MAPKBP1: variants seen among roughly 807,000 people sequenced by gnomAD.
The protein encoded by MAPKBP1 is mitogen-activated protein kinase-binding protein 1.
Under a neutral mutation model 170.5 loss-of-function variants are expected in MAPKBP1, and 71 were observed. The ratio of observed to expected loss-of-function variants is 0.42; its 90% CI spans 0.34 to 0.51. The LOEUF (loss-of-function observed/expected upper bound fraction) is 0.51. MAPKBP1 is among the 20% of genes least tolerant of loss of function. The probability of loss-of-function intolerance (pLI) is 0.06; values close to 1 mark genes in which losing one functional copy is unlikely to be tolerated. For missense variants in MAPKBP1, 1,598 were observed against 1,933.0 expected, an observed-to-expected ratio of 0.83 and a Z score of 3.25; for synonymous variants, 719 against 757.9, an observed-to-expected ratio of 0.95 and a Z score of 0.84.
At chr15:41,816,311 C>T (rs2064890121) in intron 12 of MAPKBP1, 3 of 505,636 alleles carry the variant, frequency 5.9e-6, no homozygotes, top group African/African-American at 3.8e-5. Context: ...AATAAGGTCT[C>T]TAATTAATAG....
chr15:41,813,876 AT>A (rs2064846806), intron 9 of MAPKBP1, 95 bp downstream of exon 9: 2 of 1,380,022 alleles, frequency 1.4e-6, no homozygotes, highest in Non-Finnish European at 2.0e-6. Context: ...GAGTGTATTG[AT>A]GCCCCAAAGA....
chr15:41,824,136 C>T, intron 29 of MAPKBP1, 75 bp downstream of exon 29: 1 of 1,508,558 alleles, frequency 6.6e-7, no homozygotes, highest in Non-Finnish European at 8.8e-7. Flanking sequence ...TGTCTGGCTC[C>T]ATCCCATTTC....
intron 7 of MAPKBP1, 60 bp downstream of exon 7, chr15:41,812,713 C>T (rs2064825180): frequency 1.3e-6 from 2 of 1,529,196 alleles, no homozygotes; most frequent in Admixed American, 4.4e-5. Flanking sequence ...CCCAGCCCAA[C>T]CCAGGAGACT....
At position 41,818,108 on chromosome 15, in the gene MAPKBP1, GA is replaced by G; in HGVS notation, c.1980+25del. On this transcript the variant is annotated intron_variant, in intron 17 of 30. Coordinates refer to ENST00000457542, the MANE Select transcript of MAPKBP1 (RefSeq NM_014994.3). The surrounding 1 kb of genome is among the most constrained non-coding windows in gnomAD (Gnocchi z 5.2). ...AGGTAAGGACCCAGAGGGGGTACTG[GA>G]CAGGGGCTCGGGGACAGAGTGGTGC... is the stretch of plus-strand genomic sequence containing the variant. The G allele has an allele frequency of 6.2e-7, 1 of 1,613,502 alleles. No homozygotes were observed. The highest frequency in any genetic ancestry group is 8.5e-7 in the Non-Finnish European group (1 of 1,179,396).
chr15:41,820,493 C>T (rs1473926803), intron 22 of MAPKBP1, among the ~76,000 whole-genome samples: 3 of 152,082 alleles, frequency 2.0e-5, no homozygotes, highest in African/African-American at 7.2e-5. Flanking sequence ...TAGAGACCCC[C>T]AGCTCTGAGG....
At chr15:41,774,999 TC>T (rs1246587271) in intron 1 of MAPKBP1, 167 bp from the exon 2 acceptor site, 1 of 476,908 alleles carries the variant, frequency 2.1e-6, no homozygotes, top group Non-Finnish European at 3.7e-6. Context: ...CTTAGGATTT[TC>T]CCCCCCTTTT....
Position 41,818,939 on chromosome 15 carries a change from G to T in MAPKBP1, c.2273G>T (p.Arg758Met). Residue 758 changes from arginine to methionine, a missense_variant, in exon 20 of 31, where the codon AGG (arginine) becomes ATG (methionine). This residue lies in a region of MAPKBP1 where 63 missense variants were observed against 115.2 expected (regional missense o/e 0.55). Transcript: ENST00000457542. The surrounding 1 kb of genome is among the most constrained non-coding windows in gnomAD (Gnocchi z 5.2). ...GKQQGPSSPQ[R>M]ASGPNRHQAP... ...CAGCAAGGACCATCCTCTCCCCAAA[G>T]GGCTTCTGGACCCAACCGGTGAGAA... 1 of 1,614,154 alleles carries T rather than the reference G, an allele frequency of 6.2e-7. No individual in the cohort carries two copies. Among genetic ancestry groups the T allele is most frequent in the Non-Finnish European group, 8.5e-7 (1 of 1,180,036 alleles).
At chr15:41,778,371 A>G (rs1178995376) in intron 2 of MAPKBP1, among the ~76,000 whole-genome samples, 1 of 152,246 alleles carries the variant, frequency 6.6e-6, no homozygotes, top group Non-Finnish European at 1.5e-5. Flanking sequence ...AAGTCCACGT[A>G]TGCAGAAAGC....
chr15:41,822,244 C>T lies in MAPKBP1; in HGVS notation c.3051C>T (p.Pro1017=). The part of the protein sequence containing the change: ...HPTEDSESTE[P]LSVDGISSDL... ...ACCCAGACTCTGAGAGCACGGAGCC[C>T]CTCAGTGTGGATGGCATCTCCTCAG... is the stretch of plus-strand genomic sequence containing the variant. Residue 1017 remains proline, a synonymous_variant, in exon 26 of 31, where the codon CCC becomes CCT. Transcript: ENST00000457542. 1 of 1,613,782 alleles carries T rather than the reference C, an allele frequency of 6.2e-7. No individual in the cohort carries two copies. Among genetic ancestry groups the T allele is most frequent in the Non-Finnish European group, 8.5e-7 (1 of 1,179,842 alleles).
intron 27 of MAPKBP1, 117 bp from the exon 28 acceptor site, chr15:41,822,822 C>G (rs745708724): frequency 3.5e-5 from 51 of 1,466,086 alleles, no homozygotes; most frequent in Non-Finnish European, 4.3e-5. Context: ...TTCCCCAGCC[C>G]TATCTGGCTT....
chr15:41,819,738 C>T (rs536725072), intron 22 of MAPKBP1, 88 bp downstream of exon 22: 79 of 1,365,956 alleles, frequency 5.8e-5, no homozygotes, highest in South Asian at 1.3e-4. Context: ...TGGTAGGGTA[C>T]TGGGGCATGG....
chr15:41,782,726 T>C (rs768655414), intron 2 of MAPKBP1, among the ~76,000 whole-genome samples: 33 of 151,806 alleles, frequency 2.2e-4, no homozygotes, highest in Middle Eastern at 3.2e-3. Flanking sequence ...GAAGTGTGCC[T>C]AGTATTGCCA....
rs2065128988 is a variant in MAPKBP1, at chr15:41,827,403, A to G, written c.*1967A>G. 6.6e-6 allele frequency: 1 copy of G among 152,238 alleles called. No homozygotes were observed. Among genetic ancestry groups the G allele is most frequent in the Admixed American group, 6.5e-5 (1 of 15,288 alleles). The allele number at this position is 152,238 out of a possible 1,614,324, so 9.4% of individuals were successfully genotyped here. ...CCTGGCCCTTCCCCACTCCTCTAGC[A>G]TCGCCACCCGCATGGCCCTGGAACT... On this transcript the variant is annotated 3_prime_UTR_variant, in exon 31 of 31. Transcript: ENST00000457542.
intron 3 of MAPKBP1, among the ~76,000 whole-genome samples, chr15:41,802,117 T>G (rs1596078540): frequency 6.6e-6 from 1 of 152,118 alleles, no homozygotes; most frequent in African/African-American, 2.4e-5. Context: ...GACAATGGTA[T>G]TTGTATATTT....
At chr15:41,810,023 C>T (rs1481860980) in intron 3 of MAPKBP1, among the ~76,000 whole-genome samples, 1 of 152,234 alleles carries the variant, frequency 6.6e-6, no homozygotes, top group Non-Finnish European at 1.5e-5. Context: ...TGCTGTGTGG[C>T]CCCTGCCTCG....
At chr15:41,776,786 T>C (rs562691196) in intron 2 of MAPKBP1, among the ~76,000 whole-genome samples, 40 of 152,204 alleles carry the variant, frequency 2.6e-4, no homozygotes, top group Non-Finnish European at 4.9e-4. Context: ...GTAATTTTGG[T>C]CTGGAATCCA....
In MAPKBP1 at chr15:41,818,840, G is replaced by T. The variant is rs776066473; in HGVS notation, c.2174G>T (p.Arg725Leu). 1 of 1,614,140 alleles carries T rather than the reference G, an allele frequency of 6.2e-7. No homozygotes were observed. Among genetic ancestry groups the T allele is most frequent in the Non-Finnish European group, 8.5e-7 (1 of 1,179,992 alleles). The change falls in exon 20 of 31, where the codon CGC becomes CTC. Residue 725 changes from arginine (R) to leucine (L), a missense_variant. This residue lies in a region of MAPKBP1 where 63 missense variants were observed against 115.2 expected (regional missense o/e 0.55). Coordinates refer to ENST00000457542, the MANE Select transcript of MAPKBP1 (RefSeq NM_014994.3). The surrounding 1 kb of genome is among the most constrained non-coding windows in gnomAD (Gnocchi z 5.2). ...VSGDSCIFVW[R>L]LSSEMTISMR... ...TACCCCAGCTGCATATTTGTGTGGC[G>T]CCTGAGCTCTGAGATGACCATCAGC...
intron 3 of MAPKBP1, among the ~76,000 whole-genome samples, chr15:41,809,909 CCAGAGATTCTCAGGG>C (rs1333176974): frequency 6.6e-6 from 1 of 152,198 alleles, no homozygotes; most frequent in East Asian, 1.9e-4. Context: ...TTTCTTGGGG[CCAGAGATTCTCAGGG>C]TGGGGCTTGG....
At chr15:41,802,039 A>T (rs562233157) in intron 3 of MAPKBP1, among the ~76,000 whole-genome samples, 1 of 152,360 alleles carries the variant, frequency 6.6e-6, no homozygotes, top group Non-Finnish European at 1.5e-5. Flanking sequence ...TACATGGTGT[A>T]GCCGGTTGCG....
Sources: allele counts gnomAD v4.1 joint callset (sites outside exome capture counted in the v4.1 genomes callset), GRCh38; gene constraint gnomAD v4.1.1; regional missense constraint gnomAD v4.1.1; non-coding constraint Gnocchi (gnomAD v3.1); transcripts MANE v1.5; gene names NCBI Gene and HGNC (gene_info 2026-07-23, HGNC 2026-07-21).